GALNT10: variants seen among roughly 807,000 people sequenced by gnomAD.
GALNT10 encodes the protein GalNAc transferase 10.
GALNT10 carries 41 observed loss-of-function variants against 75.0 expected under a neutral mutation model. The observed-to-expected ratio is 0.55, with a 90% CI of 0.43 to 0.71. GALNT10 has a LOEUF of 0.71. GALNT10 is among the 30% of genes least tolerant of loss of function. The pLI is 0.00. For synonymous variants in GALNT10, 302 were observed against 313.0 expected, an observed-to-expected ratio of 0.96 and a Z score of 0.37; for missense variants, 727 against 818.5, an observed-to-expected ratio of 0.89 and a Z score of 1.36.
intron 1 of GALNT10, among the ~76,000 whole-genome samples, chr5:154,258,725 G>A (rs1753653160): frequency 6.6e-6 from 1 of 152,136 alleles, no homozygotes; most frequent in Non-Finnish European, 1.5e-5. Context: ...CCAGGCAGGT[G>A]CAGGGTATTA....
At chr5:154,301,851 C>T (rs1754365008) in intron 3 of GALNT10, among the ~76,000 whole-genome samples, 1 of 152,190 alleles carries the variant, frequency 6.6e-6, no homozygotes, top group Non-Finnish European at 1.5e-5. Flanking sequence ...ACTCCTGTTC[C>T]AGGTGGGTGG....
Position 154,415,940 on chromosome 5 carries a change from G to A in GALNT10, c.1653+8G>A, listed in dbSNP as rs778821443. 2 of 1,612,798 alleles carry A rather than the reference G, an allele frequency of 1.2e-6. No homozygotes were observed. Among genetic ancestry groups the A allele is most frequent in the Non-Finnish European group, 1.7e-6 (2 of 1,179,076 alleles). On this transcript the variant is annotated splice_region_variant and intron_variant, in intron 11 of 11. Transcript: ENST00000297107. ...CTGTGGAAATACCGCAAAGTAAGAT[G>A]GGATGCGGGGGGAGCAGGGCACCTG... is the stretch of plus-strand genomic sequence containing the variant.
intron 4 of GALNT10, among the ~76,000 whole-genome samples, chr5:154,375,039 A>G (rs910482539): frequency 6.6e-6 from 1 of 152,208 alleles, no homozygotes; most frequent in Admixed American, 6.5e-5. Context: ...CAACTAAGTA[A>G]ATTGTAGTAA....
At chr5:154,278,207 A>G (rs1270754706) in intron 1 of GALNT10, among the ~76,000 whole-genome samples, 1 of 152,170 alleles carries the variant, frequency 6.6e-6, no homozygotes, top group African/African-American at 2.4e-5. Context: ...AAAACAAAAC[A>G]AAACTGGATT....
At chr5:154,295,900 A>C (rs894804843) in intron 2 of GALNT10, among the ~76,000 whole-genome samples, 3 of 152,162 alleles carry the variant, frequency 2.0e-5, no homozygotes, top group African/African-American at 4.8e-5. Context: ...TTAATATTTT[A>C]TTCATTTTTA....
At position 154,380,302 on chromosome 5, in the gene GALNT10, A is replaced by G. The variant is rs537759969; in HGVS notation, c.755-146A>G. ...TGAGAGCCTCGGTCCCTCTTGCTTA[A>G]AGCTTGCAGTCTCCCTTCCCCTCCA... is the stretch of plus-strand genomic sequence containing the variant. On this transcript the variant is annotated intron_variant, in intron 5 of 11. Coordinates refer to ENST00000297107, the MANE Select transcript of GALNT10 (RefSeq NM_198321.4). 8 of 671,364 alleles carry G rather than the reference A, an allele frequency of 1.2e-5. No individual in the cohort carries two copies. In the East Asian group the frequency reaches 1.8e-4, roughly 15 times the overall value. The allele number at this position is 671,364 out of a possible 1,614,324, so 41.6% of individuals were successfully genotyped here.
intron 7 of GALNT10, among the ~76,000 whole-genome samples, chr5:154,393,282 C>T (rs1468966089): frequency 6.6e-6 from 1 of 152,058 alleles, no homozygotes; most frequent in Non-Finnish European, 1.5e-5. Context: ...ATATGTTGCC[C>T]AGGCTGGTCT....
At chr5:154,294,974 G>GCC in intron 2 of GALNT10, 56 bp downstream of exon 2, 3 of 796,070 alleles carry the variant, frequency 3.8e-6, no homozygotes, top group African/African-American at 2.0e-5. Flanking sequence ...ATGCACATAT[G>GCC]CTTGTGTGTG....
intron 1 of GALNT10, among the ~76,000 whole-genome samples, chr5:154,225,995 AG>A (rs1385392913): frequency 6.8e-6 from 1 of 147,970 alleles, no homozygotes; most frequent in Non-Finnish European, 1.5e-5. Flanking sequence ...GGGTAGGGGA[AG>A]GGGGGAGGGA....
At chr5:154,209,781 T>G (rs1200599592) in intron 1 of GALNT10, among the ~76,000 whole-genome samples, 2 of 152,190 alleles carry the variant, frequency 1.3e-5, no homozygotes, top group Non-Finnish European at 2.9e-5. Context: ...TGGGGTCATG[T>G]AACAGTCAGT....
At chr5:154,354,627 A>C (rs568655234) in intron 4 of GALNT10, among the ~76,000 whole-genome samples, 1 of 152,160 alleles carries the variant, frequency 6.6e-6, no homozygotes, top group South Asian at 2.1e-4. Context: ...GTGATGTTTC[A>C]TCTGAGTCTC....
At chr5:154,329,395 A>G (rs955999912) in intron 3 of GALNT10, 177 bp from the exon 4 acceptor site, 4 of 603,674 alleles carry the variant, frequency 6.6e-6, no homozygotes, top group South Asian at 2.0e-5. Context: ...GATTGGAGGT[A>G]GGACTTTGGG....
chr5:154,268,619 A>G (rs914102717), intron 1 of GALNT10, among the ~76,000 whole-genome samples: 4 of 152,214 alleles, frequency 2.6e-5, no homozygotes, highest in African/African-American at 9.6e-5. Context: ...AAATCTATTC[A>G]AGGAAGTGTG....
chr5:154,405,535 G>A (rs1015616639), intron 8 of GALNT10, among the ~76,000 whole-genome samples: 1 of 152,070 alleles, frequency 6.6e-6, no homozygotes, highest in African/African-American at 2.4e-5. Context: ...CCTGAGGAGG[G>A]AGCCAGGCAG....
At chr5:154,413,124 C>A (rs1324966713) in intron 10 of GALNT10, 119 bp downstream of exon 10, 3 of 669,102 alleles carry the variant, frequency 4.5e-6, no homozygotes, top group Non-Finnish European at 5.2e-6. Flanking sequence ...CAAGAGTCAG[C>A]CCCGGGGATG....
At position 154,409,866 on chromosome 5, in the gene GALNT10, C is replaced by T. The variant is rs1034446342; in HGVS notation, c.1386+104C>T. 11 of 769,498 alleles carry T rather than the reference C, an allele frequency of 1.4e-5. No individual in the cohort carries two copies. The highest frequency in any genetic ancestry group is 7.4e-5 in the East Asian group (3 of 40,786). The allele number at this position is 769,498 out of a possible 1,614,324, so 47.7% of individuals were successfully genotyped here. On this transcript the variant is annotated intron_variant, in intron 9 of 11. Transcript: ENST00000297107. The surrounding 1 kb of genome is among the most constrained non-coding windows in gnomAD (Gnocchi z 4.5). Reference sequence around the variant, plus strand: ...AGAAAGTCAGTGCAGGGAGGAAAGGCGTGAATATAAAATCGTTTCCTTTCT... The same window carrying T: ...AGAAAGTCAGTGCAGGGAGGAAAGGTGTGAATATAAAATCGTTTCCTTTCT...
At chr5:154,306,444 A>T (rs965971081) in intron 3 of GALNT10, among the ~76,000 whole-genome samples, 4 of 152,222 alleles carry the variant, frequency 2.6e-5, no homozygotes, top group Admixed American at 2.0e-4. Flanking sequence ...TCAAAAAAGA[A>T]ATCAAAAACA....
At chr5:154,229,915 CTTTG>C (rs1753122199) in intron 1 of GALNT10, among the ~76,000 whole-genome samples, 2 of 152,172 alleles carry the variant, frequency 1.3e-5, no homozygotes, top group South Asian at 2.1e-4. Context: ...TCTGTGATAA[CTTTG>C]TTTGGTCCAA....
At chr5:154,321,537 C>G (rs938828448) in intron 3 of GALNT10, among the ~76,000 whole-genome samples, 3 of 152,090 alleles carry the variant, frequency 2.0e-5, no homozygotes, top group Non-Finnish European at 4.4e-5. Context: ...ATTGCTTAGG[C>G]TGTCTTGAAC....
Sources: allele counts gnomAD v4.1 joint callset (sites outside exome capture counted in the v4.1 genomes callset), GRCh38; gene constraint gnomAD v4.1.1; non-coding constraint Gnocchi (gnomAD v3.1); transcripts MANE v1.5; gene names NCBI Gene and HGNC (gene_info 2026-07-23, HGNC 2026-07-21).